The following EP300 variants were observed in gnomAD, a reference collection of about 807,000 sequenced individuals.
The protein encoded by EP300 is EP300 lysine acetyltransferase.
EP300 carries 31 observed loss-of-function variants against 264.0 expected under a neutral mutation model. That is an observed-to-expected ratio of 0.12 (90% CI 0.09 to 0.16). EP300 has a LOEUF of 0.16. EP300 is among the 10% of genes least tolerant of loss of function. The pLI is 1.00. For synonymous variants in EP300, 1,340 were observed against 1,045.4 expected, an observed-to-expected ratio of 1.28 and a Z score of -5.44; for missense variants, 2,766 against 3,052.9, an observed-to-expected ratio of 0.91 and a Z score of 2.21.
intron 1 of EP300, among the ~76,000 whole-genome samples, chr22:41,096,671 T>A (rs1270931854): frequency 2.8e-5 from 4 of 144,640 alleles, no homozygotes; most frequent in Non-Finnish European, 6.0e-5. Flanking sequence ...CAGGCTGGAG[T>A]GCAGTAGCTC....
At chr22:41,147,678 C>A (rs1357228134) in intron 11 of EP300, among the ~76,000 whole-genome samples, 159 bp from the exon 12 acceptor site, 1 of 151,656 alleles carries the variant, frequency 6.6e-6, no homozygotes, top group Non-Finnish European at 1.5e-5. Context: ...GCAGAGCTTG[C>A]AGTGAGCGGA....
At chr22:41,150,624 TAC>T (rs1371225173) in intron 14 of EP300, among the ~76,000 whole-genome samples, 1 of 152,012 alleles carries the variant, frequency 6.6e-6, no homozygotes, top group Non-Finnish European at 1.5e-5. Context: ...CGCGGTGGTG[TAC>T]ACTTTTCATC....
At chr22:41,099,940 A>T (rs1050046078) in intron 1 of EP300, among the ~76,000 whole-genome samples, 1 of 152,066 alleles carries the variant, frequency 6.6e-6, no homozygotes, top group Non-Finnish European at 1.5e-5. Context: ...AGTTTAAAAC[A>T]TTGTTGTGGC....
In EP300 at chr22:41,169,566, A is replaced by G. The variant is rs199828971; in HGVS notation, c.4236A>G (p.Ala1412=). 6.8e-6 allele frequency: 11 copies of G among 1,610,386 alleles called. No individual in the cohort carries two copies. The highest frequency in any genetic ancestry group is 6.7e-5 in the African/African-American group (5 of 74,952). ...TCCGTCCTAAATGCTTGAGGACTGC[A>G]GTCTATCATGAAATCCTAATTGGAT... ...HFFRPKCLRT[A]VYHEILIGYL... The change falls in exon 26 of 31, where the codon GCA becomes GCG. Residue 1412 remains alanine (A), a synonymous_variant. Coordinates refer to ENST00000263253, the MANE Select transcript of EP300 (RefSeq NM_001429.4).
rs1221859522 is a variant in EP300 at position 41,129,768 on chromosome 22, G to A, written c.1169-122G>A. On this transcript the variant is annotated intron_variant, in intron 4 of 30. Coordinates refer to ENST00000263253, the MANE Select transcript of EP300 (RefSeq NM_001429.4). The stretch of plus-strand genomic sequence containing the variant: ...GTATTAATAGGAGCTACCTTATAGG[G>A]CTGTTAGGAAGATGAAATAAGTTAA... 7 of 743,408 alleles carry A rather than the reference G, an allele frequency of 9.4e-6. No homozygotes were observed. The East Asian group carries it at 1.1e-4, about 12-fold the overall frequency. The allele number at this position is 743,408 out of a possible 1,614,324, so 46.1% of individuals were successfully genotyped here.
chr22:41,168,231 C>T (rs2059151372), intron 23 of EP300: 1 of 572,948 alleles, frequency 1.7e-6, no homozygotes, highest in South Asian at 2.0e-5. Context: ...TTTAATAGCA[C>T]ATGTATTAAA....
intron 1 of EP300, among the ~76,000 whole-genome samples, chr22:41,109,285 A>C (rs543284699): frequency 1.3e-5 from 2 of 152,036 alleles, no homozygotes; most frequent in Non-Finnish European, 2.9e-5. Context: ...AAAACGGAAA[A>C]CATAAGACAG....
rs541738407 is a variant in EP300, at chr22:41,127,551, G to A, written c.971G>A (p.Gly324Asp). Residue 324 changes from glycine (G) to aspartate (D), a missense_variant, in exon 4 of 31, where the codon GGT (glycine) becomes GAT (aspartate). Physicochemically the swap from Gly to Asp is moderately conservative, Grantham distance 94. Transcript: ENST00000263253. ...GTGACTCCAGTTGCCCAAGGGATGG[G>A]TTCTGGAGCACATACAGCTGATCCA... The part of the protein sequence containing the change: ...GLVTPVAQGM[G>D]SGAHTADPEK... The A allele has an allele frequency of 6.2e-7, 1 of 1,614,214 alleles. No individual in the cohort carries two copies. The highest frequency in any genetic ancestry group is 2.2e-5 in the East Asian group (1 of 44,884).
At position 41,179,056 on chromosome 22, in the gene EP300, C is replaced by CA; in HGVS notation, c.*102dup. ...TTTGAATCTTTCGTAGCCTAAAAGA[C>CA]AATTTTCCTTGGAACACATAAGAAC... On this transcript the variant is annotated 3_prime_UTR_variant, in exon 31 of 31. Transcript: ENST00000263253. 4 of 1,435,600 alleles carry CA rather than the reference C, an allele frequency of 2.8e-6. No individual in the cohort carries two copies. In the South Asian group the frequency reaches 3.6e-5, roughly 13 times the overall value. 88.9% of individuals were successfully genotyped at this position (1,435,600 alleles called of 1,614,324 possible). A position where few individuals can be genotyped will look rare whatever the true frequency, so the allele number is the denominator to read the frequency against.
At chr22:41,104,481 G>A (rs1185834762) in intron 1 of EP300, among the ~76,000 whole-genome samples, 1 of 151,946 alleles carries the variant, frequency 6.6e-6, no homozygotes, top group Non-Finnish European at 1.5e-5. Context: ...GTAGACACAG[G>A]GTTTTGCCAT....
chr22:41,121,122 A>G (rs1455660572), intron 2 of EP300, among the ~76,000 whole-genome samples: 1 of 152,202 alleles, frequency 6.6e-6, no homozygotes, highest in Non-Finnish European at 1.5e-5. Context: ...TGGGCAACAT[A>G]ATGAGACCCC....
intron 10 of EP300, among the ~76,000 whole-genome samples, chr22:41,145,397 A>G (rs901217228): frequency 3.0e-4 from 46 of 152,194 alleles, no homozygotes; most frequent in African/African-American, 1.1e-3. Flanking sequence ...ATTTGTCTGA[A>G]GGGATGGACA....
intron 3 of EP300, chr22:41,126,258 C>G (rs2058881851): frequency 1.8e-6 from 1 of 550,562 alleles, no homozygotes; most frequent in East Asian, 3.1e-5. Context: ...CATGTTGATC[C>G]AAACAGGAGT....
At chr22:41,095,625 CTT>C (rs757898978) in intron 1 of EP300, among the ~76,000 whole-genome samples, 3 of 151,730 alleles carry the variant, frequency 2.0e-5, no homozygotes, top group Non-Finnish European at 4.4e-5. Flanking sequence ...CCTCTTAAAA[CTT>C]TTAAGTTTCA....
chr22:41,161,010 T>A (rs1213559170), intron 20 of EP300, among the ~76,000 whole-genome samples: 1 of 152,226 alleles, frequency 6.6e-6, no homozygotes, highest in African/African-American at 2.4e-5. Flanking sequence ...TTAGGGAATA[T>A]GTCAGCAATG....
At chr22:41,105,781 T>G (rs1212638857) in intron 1 of EP300, among the ~76,000 whole-genome samples, 1 of 152,248 alleles carries the variant, frequency 6.6e-6, no homozygotes, top group East Asian at 1.9e-4. Flanking sequence ...AGCAGGACCA[T>G]GTGAAGAGTA....
rs2145696496 is a variant in EP300 at position 41,117,313 on chromosome 22, C to T, written c.221C>T (p.Ala74Val). Residue 74 changes from alanine (A) to valine (V), a missense_variant, in exon 2 of 31, where the codon GCA becomes GTA. Ala to Val is a moderately conservative substitution (Grantham distance 64). Transcript: ENST00000263253. ...ACAAGTCTTGGCATGGTACAAGATG[C>T]AGCTTCTAAACATAAACAGCTGTCA... ...LQTSLGMVQD[A>V]ASKHKQLSEL... 3.1e-6 allele frequency: 5 copies of T among 1,614,194 alleles called. No individual in the cohort carries two copies. Among genetic ancestry groups the T allele is most frequent in the Non-Finnish European group, 4.2e-6 (5 of 1,180,032 alleles).
intron 2 of EP300, among the ~76,000 whole-genome samples, chr22:41,123,283 G>GA (rs1391360643): frequency 6.6e-6 from 1 of 152,160 alleles, no homozygotes; most frequent in African/African-American, 2.4e-5. Context: ...TAGGGAAAGG[G>GA]AAAAGCTTGA....
At chr22:41,162,823 T>G in intron 21 of EP300, 44 bp downstream of exon 21, 1 of 1,531,154 alleles carries the variant, frequency 6.5e-7, no homozygotes, top group Non-Finnish European at 9.1e-7. Flanking sequence ...TTGGCTTTTC[T>G]TTTTCCCTTT....
Sources: allele counts gnomAD v4.1 joint callset (sites outside exome capture counted in the v4.1 genomes callset), GRCh38; gene constraint gnomAD v4.1.1; transcripts MANE v1.5; gene names NCBI Gene and HGNC (gene_info 2026-07-23, HGNC 2026-07-21).